The following SRP19 variants were observed in gnomAD, a reference collection of about 807,000 sequenced individuals.
SRP19 encodes signal recognition particle 19, also known as signal recognition particle 19 kDa protein.
Under a neutral mutation model 22.4 loss-of-function variants are expected in SRP19, and 11 were observed. The observed-to-expected ratio is 0.49, with a 90% CI of 0.31 to 0.81. SRP19 has a LOEUF of 0.81. Ranked by LOEUF, SRP19 falls within the 40% of genes least tolerant of loss-of-function variation. The pLI is 0.05. For missense variants in SRP19, 168 were observed against 175.9 expected (o/e 0.96, Z 0.25); for synonymous variants, 61 against 57.6 (o/e 1.06, Z -0.27).
downstream of SRP19, chr5:112,893,094 T>TAAAAAAAA (rs552226372): frequency 3.6e-4 from 180 of 501,292 alleles, no homozygotes; most frequent in Middle Eastern, 6.7e-4. Flanking sequence ...GTTTTGTTCT[T>TAAAAAAAA]AAAAAAAAAA....
In SRP19 at chr5:112,869,482, C is replaced by G. The variant is rs1767707309; in HGVS notation, c.*1945C>G. On this transcript the variant is annotated 3_prime_UTR_variant, in exon 5 of 5. Coordinates refer to ENST00000505459, the MANE Select transcript of SRP19 (RefSeq NM_003135.3). ...CTGAGAAAGTGAACACAGCAGTCCT[C>G]CTTATCCTTGGGGAATACATTCCAA... is the stretch of plus-strand genomic sequence containing the variant. The G allele has an allele frequency of 6.6e-6, 1 of 152,328 alleles. No individual in the cohort carries two copies. The highest frequency in any genetic ancestry group is 1.5e-5 in the Non-Finnish European group (1 of 68,140). 9.4% of individuals were successfully genotyped at this position (152,328 alleles called of 1,614,324 possible). A position where few individuals can be genotyped will look rare whatever the true frequency, so the allele number is the denominator to read the frequency against.
intron 1 of SRP19, 60 bp downstream of exon 1, chr5:112,861,477 C>G: frequency 6.4e-7 from 1 of 1,558,342 alleles, no homozygotes; most frequent in South Asian, 1.1e-5. Flanking sequence ...GCTGCAGGTG[C>G]TACACCGCGC....
intron 4 of SRP19, among the ~76,000 whole-genome samples, chr5:112,887,576 C>G (rs768152085): frequency 4.6e-5 from 7 of 152,032 alleles, no homozygotes; most frequent in Non-Finnish European, 8.8e-5. Context: ...ATCTAGGAGG[C>G]CTGTGCTTGG....
chr5:112,891,842 T>C lies in SRP19; in HGVS notation c.*235T>C, dbSNP rs774419365. The C allele has an allele frequency of 5.8e-6, 9 of 1,553,958 alleles. No homozygotes were observed. In the South Asian group the frequency reaches 1.0e-4, roughly 17 times the overall value. ...GAACAACAACTAGAAGAAGAGAAGC[T>C]ATTGGAAAGAGAGAGGGAAAGATTA... is the stretch of plus-strand genomic sequence containing the variant. On this transcript the variant is annotated 3_prime_UTR_variant, in exon 5 of 5. Coordinates refer to the SRP19 transcript ENST00000391338.
intron 4 of SRP19, chr5:112,885,747 A>C (rs974618339): frequency 3.6e-6 from 1 of 280,098 alleles, no homozygotes; most frequent in Non-Finnish European, 7.5e-6. Context: ...TTAATGAACT[A>C]ATTAATTTTG....
chr5:112,891,603 G>A (rs771952927), exon 5 of SRP19: 11 of 1,565,566 alleles, frequency 7.0e-6, no homozygotes, highest in African/African-American at 1.4e-5. Flanking sequence ...ATTCCCATAG[G>A]TTAAGAATGT....
chr5:112,886,760 C>T (rs181591991), intron 4 of SRP19, among the ~76,000 whole-genome samples: 51 of 152,244 alleles, frequency 3.3e-4, no homozygotes, highest in Admixed American at 1.4e-3. Flanking sequence ...AAAATCGCTG[C>T]CTACCAAGGA....
At position 112,867,450 on chromosome 5, in the gene SRP19, A is replaced by C. The variant is rs1350990708; in HGVS notation, c.348A>C (p.Lys116Asn). ...CAGCAGAAATGATACCTAAACTAAA[A>C]ACAAGGACACAAAAAACAGGAGGTG... ...LYAAEMIPKL[K>N]TRTQKTGGAD... The change falls in exon 5 of 5, where the codon AAA becomes AAC. Residue 116 changes from lysine (K) to asparagine (N), a missense_variant. Transcript: ENST00000505459. The C allele has an allele frequency of 6.2e-7, 1 of 1,613,930 alleles. No homozygotes were observed. The highest frequency in any genetic ancestry group is 2.2e-5 in the East Asian group (1 of 44,852).
intron 4 of SRP19, among the ~76,000 whole-genome samples, chr5:112,886,048 C>A (rs951928441): frequency 1.3e-5 from 2 of 152,218 alleles, no homozygotes; most frequent in Admixed American, 6.5e-5. Context: ...TTGGTGCAAA[C>A]CATTCTAAGG....
chr5:112,887,049 C>T (rs1376905641), intron 4 of SRP19: 1 of 1,612,622 alleles, frequency 6.2e-7, no homozygotes, highest in Non-Finnish European at 8.5e-7. Context: ...TCTCTTTGGC[C>T]TTGTCTTTAA....
exon 5 of SRP19, chr5:112,891,866 T>C (rs1429927918): frequency 6.9e-7 from 1 of 1,449,836 alleles, no homozygotes; most frequent in Non-Finnish European, 9.7e-7. Flanking sequence ...AGGGAAAGAT[T>C]ACATGAGGAG....
chr5:112,898,233 G>A (rs1237834343), exon 4 of SRP19: 1 of 152,208 alleles, frequency 6.6e-6, no homozygotes, highest in African/African-American at 2.4e-5. Context: ...CCTCTTCTCA[G>A]TCTGTTCACT....
chr5:112,884,746 T>C (rs1187538928), intron 4 of SRP19, among the ~76,000 whole-genome samples: 1 of 150,100 alleles, frequency 6.7e-6, no homozygotes, highest in Non-Finnish European at 1.5e-5. Flanking sequence ...TAAACGTCTC[T>C]ATTTAAAATC....
At chr5:112,882,101 T>C (rs1193751512) in intron 4 of SRP19, 1 of 153,998 alleles carries the variant, frequency 6.5e-6, no homozygotes, top group East Asian at 1.9e-4. Flanking sequence ...TTGATGATTT[T>C]AATATCCATG....
At chr5:112,894,114 GGTTTTT>G (rs1375972493), downstream of SRP19, 6 of 132,988 alleles carry the variant, frequency 4.5e-5, no homozygotes, top group African/African-American at 2.1e-4. Context: ...TTGTTTTTTT[GGTTTTT>G]TTTGTTTTTT....
chr5:112,897,076 A>G (rs982666999), downstream of SRP19: 1 of 152,224 alleles, frequency 6.6e-6, no homozygotes, highest in Non-Finnish European at 1.5e-5. Context: ...ATAACATTAG[A>G]TAGCTATGTC....
chr5:112,874,412 C>G (rs144006694), downstream of SRP19, among the ~76,000 whole-genome samples: 256 of 152,268 alleles, frequency 1.7e-3, 2 homozygotes, highest in African/African-American at 6.0e-3. Flanking sequence ...AACCCTGGCT[C>G]CATACTAGGA....
intron 4 of SRP19, among the ~76,000 whole-genome samples, chr5:112,889,829 A>AAT (rs767437853): frequency 1.7e-4 from 24 of 139,338 alleles, no homozygotes; most frequent in Non-Finnish European, 2.9e-4. Context: ...GAAAAAAAAA[A>AAT]TTTTTTTTTT....
chr5:112,863,836 G>C (rs1767497169), intron 2 of SRP19, among the ~76,000 whole-genome samples: 2 of 151,938 alleles, frequency 1.3e-5, no homozygotes, highest in African/African-American at 4.8e-5. Flanking sequence ...GGCTACTTTG[G>C]TATTTTTTTG....
Sources: allele counts gnomAD v4.1 joint callset (sites outside exome capture counted in the v4.1 genomes callset), GRCh38; gene constraint gnomAD v4.1.1; transcripts MANE v1.5; gene names NCBI Gene and HGNC (gene_info 2026-07-23, HGNC 2026-07-21).